The following WWOX variants were observed in gnomAD, a reference collection of about 807,000 sequenced individuals.
WWOX encodes the protein WW domain containing oxidoreductase.
In WWOX, 69 loss-of-function variants were observed where a neutral mutation model predicts 46.2. The observed-to-expected ratio is 1.49, with a 90% CI of 1.23 to 1.82. The LOEUF (loss-of-function observed/expected upper bound fraction) is 1.82. Among genes scored for constraint, WWOX ranks in the 40% most tolerant of loss-of-function variants. WWOX has a pLI of 0.00. For missense variants in WWOX, 919 were observed against 542.6 expected (o/e 1.69, Z -6.89); for synonymous variants, 359 against 202.6 (o/e 1.77, Z -6.56).
intron 6 of WWOX, among the ~76,000 whole-genome samples, chr16:78,387,350 C>T (rs543232060): frequency 6.6e-6 from 1 of 152,108 alleles, no homozygotes; most frequent in Non-Finnish European, 1.5e-5. Context: ...GTTGACAATC[C>T]AAGCACCCAA....
chr16:78,118,512 T>G (rs1402826046), intron 4 of WWOX, among the ~76,000 whole-genome samples: 1 of 152,122 alleles, frequency 6.6e-6, no homozygotes, highest in Non-Finnish European at 1.5e-5. Context: ...TAAGTAGAAT[T>G]TTTTTTGGAA....
chr16:78,664,480 C>T (rs533127613), intron 8 of WWOX, among the ~76,000 whole-genome samples: 13 of 152,332 alleles, frequency 8.5e-5, no homozygotes, highest in African/African-American at 3.1e-4. Flanking sequence ...CCAGCCTGTA[C>T]CCTCAAAGGA....
intron 6 of WWOX, among the ~76,000 whole-genome samples, chr16:78,395,163 T>A (rs2082257845): frequency 6.6e-6 from 1 of 152,252 alleles, no homozygotes; most frequent in African/African-American, 2.4e-5. Flanking sequence ...AACTAATTAA[T>A]TAAACAGGAA....
Position 78,935,404 on chromosome 16 carries a change from C to T in WWOX, c.1057-276204C>T, listed in dbSNP as rs907728100. The stretch of plus-strand genomic sequence containing the variant: ...ATTAAGAAAATGTGGCACATATACA[C>T]CATGGAATACTACACAGCCATAAAA... On this transcript the variant is annotated intron_variant, in intron 8 of 8. Coordinates refer to ENST00000566780, the MANE Select transcript of WWOX (RefSeq NM_016373.4). Among the ~76,000 whole-genome samples, 34 of 152,188 alleles carry T rather than the reference C, an allele frequency of 2.2e-4. No individual in the cohort carries two copies. The Middle Eastern group carries it at 0.014, about 61-fold the overall frequency.
At chr16:78,169,544 C>T (rs1201144133) in intron 5 of WWOX, among the ~76,000 whole-genome samples, 4 of 152,018 alleles carry the variant, frequency 2.6e-5, no homozygotes, top group African/African-American at 7.3e-5. Flanking sequence ...TGAACAGCTA[C>T]AGCAAGACCT....
At chr16:78,356,594 AAG>A (rs1303983163) in intron 5 of WWOX, among the ~76,000 whole-genome samples, 1 of 152,142 alleles carries the variant, frequency 6.6e-6, no homozygotes, top group East Asian at 1.9e-4. Context: ...ATGGAAACAA[AAG>A]TTCCGGCTGG....
At chr16:78,625,329 T>C (rs1322931305) in intron 8 of WWOX, among the ~76,000 whole-genome samples, 1 of 152,150 alleles carries the variant, frequency 6.6e-6, no homozygotes, top group African/African-American at 2.4e-5. Flanking sequence ...AGCCTCCCCA[T>C]CCAAGGCCAG....
intron 8 of WWOX, among the ~76,000 whole-genome samples, chr16:78,580,604 A>G (rs1025922015): frequency 1.3e-5 from 2 of 152,200 alleles, no homozygotes; most frequent in Non-Finnish European, 2.9e-5. Context: ...TCTCTACATT[A>G]CCTTTACAAT....
rs2037647934 is a variant in WWOX, at chr16:78,241,511, C to G, written c.516+77222C>G. ...TGGCGCCATCTCGGCTCACTGCAGA[C>G]TCTTCCTCTTGAAGCTGGGGAAGTT... On this transcript the variant is annotated intron_variant, in intron 5 of 8. Coordinates refer to ENST00000566780, the MANE Select transcript of WWOX (RefSeq NM_016373.4). 2.0e-5 allele frequency among the ~76,000 whole-genome samples: 3 copies of G among 152,112 alleles called. No individual in the cohort carries two copies. In the South Asian group the frequency reaches 6.2e-4, roughly 31 times the overall value.
At chr16:78,151,043 A>T (rs1597272812) in intron 4 of WWOX, among the ~76,000 whole-genome samples, 1 of 140,900 alleles carries the variant, frequency 7.1e-6, no homozygotes, top group Non-Finnish European at 1.5e-5. Flanking sequence ...GTGCTCCACA[A>T]TTTTTTTTTT....
At chr16:78,593,008 G>C (rs903022399) in intron 8 of WWOX, among the ~76,000 whole-genome samples, 1 of 152,146 alleles carries the variant, frequency 6.6e-6, no homozygotes, top group Non-Finnish European at 1.5e-5. Context: ...ATAGCTGCCA[G>C]GGAGGCTGGA....
At chr16:79,128,677 A>T (rs2049812029) in intron 8 of WWOX, among the ~76,000 whole-genome samples, 1 of 152,230 alleles carries the variant, frequency 6.6e-6, no homozygotes, top group Admixed American at 6.5e-5. Context: ...CTAATGTTTT[A>T]ACAGCATCCT....
intron 8 of WWOX, among the ~76,000 whole-genome samples, chr16:79,207,270 G>A (rs1489714092): frequency 6.6e-6 from 1 of 152,226 alleles, no homozygotes. Flanking sequence ...AGAAGTATTT[G>A]CTTTGTCCAA....
chr16:78,793,661 C>G (rs1007934600), intron 8 of WWOX, among the ~76,000 whole-genome samples: 1 of 152,048 alleles, frequency 6.6e-6, no homozygotes, highest in African/African-American at 2.4e-5. Flanking sequence ...TTTTTTCAGA[C>G]TATTCAGCCA....
Position 78,904,415 on chromosome 16 carries a change from T to G in WWOX, c.1057-307193T>G, listed in dbSNP as rs2044908719. On this transcript the variant is annotated intron_variant, in intron 8 of 8. Transcript: ENST00000566780. ...CACTGCGCCCAGCTAATTTTTGTAT[T>G]TTTAGTAGAGATGGGGTTTCAGCAT... 2.6e-5 allele frequency among the ~76,000 whole-genome samples: 4 copies of G among 151,772 alleles called. No homozygotes were observed. In the South Asian group the frequency reaches 8.4e-4, roughly 32 times the overall value.
chr16:78,750,180 C>T (rs980171923), intron 8 of WWOX, among the ~76,000 whole-genome samples: 1 of 152,172 alleles, frequency 6.6e-6, no homozygotes, highest in African/African-American at 2.4e-5. Flanking sequence ...TTGTACAGTT[C>T]AGCTGCTGCC....
intron 8 of WWOX, among the ~76,000 whole-genome samples, chr16:78,487,545 A>T (rs998394144): frequency 4.6e-5 from 7 of 152,142 alleles, no homozygotes; most frequent in African/African-American, 1.7e-4. Context: ...CTTACTGCAG[A>T]TGCTTCCTCT....
At chr16:78,839,827 G>A (rs572500586) in intron 8 of WWOX, among the ~76,000 whole-genome samples, 5 of 152,266 alleles carry the variant, frequency 3.3e-5, no homozygotes, top group South Asian at 4.1e-4. Context: ...TCTCATCATC[G>A]TCTAGAGATA....
intron 5 of WWOX, among the ~76,000 whole-genome samples, chr16:78,303,168 T>A (rs1567487325): frequency 6.6e-6 from 1 of 152,220 alleles, no homozygotes; most frequent in African/African-American, 2.4e-5. Context: ...ATTTTATATC[T>A]TTGCCCTTTT....
Sources: gnomAD v4.1 joint callset for allele counts (sites outside exome capture counted in the v4.1 genomes callset) on GRCh38, gnomAD v4.1.1 for gene constraint, MANE v1.5 for transcripts, NCBI Gene and HGNC (gene_info 2026-07-23, HGNC 2026-07-21) for gene names.